Variants in SAMTOR observed in about 807,000 individuals in gnomAD.
The protein encoded by SAMTOR is UPF0532 protein C7orf60.
the SAMTOR span, among the ~76,000 whole-genome samples, chr7:112,877,345 G>C: frequency 1.3e-5 from 2 of 152,104 alleles, no homozygotes; most frequent in Admixed American, 6.5e-5. Flanking sequence ...TGTTACAGCA[G>C]GGGTTTTCAA....
chr7:112,871,118 G>C, the SAMTOR span, among the ~76,000 whole-genome samples: 17 of 152,022 alleles, frequency 1.1e-4, no homozygotes, highest in Non-Finnish European at 2.1e-4. Flanking sequence ...AGATCATTGA[G>C]GCAAAAAACT....
the SAMTOR span, among the ~76,000 whole-genome samples, chr7:112,911,159 A>G: frequency 6.6e-6 from 1 of 152,134 alleles, no homozygotes; most frequent in Admixed American, 6.6e-5. Flanking sequence ...AAATGTAGAG[A>G]TAATTCTCCC....
the SAMTOR span, among the ~76,000 whole-genome samples, chr7:112,830,779 A>C: frequency 6.6e-6 from 1 of 152,250 alleles, no homozygotes; most frequent in South Asian, 2.1e-4. Context: ...TCAAAGTTTC[A>C]TATGAAAGTT....
the SAMTOR span, among the ~76,000 whole-genome samples, chr7:112,856,285 T>G: frequency 6.6e-6 from 1 of 151,932 alleles, no homozygotes; most frequent in Admixed American, 6.6e-5. Context: ...AGTGTCACTC[T>G]GTTGCCCAGG....
chr7:112,920,264 C>T, the SAMTOR span, among the ~76,000 whole-genome samples: 10 of 152,296 alleles, frequency 6.6e-5, no homozygotes, highest in African/African-American at 2.4e-4. Context: ...ATCAAGTGGG[C>T]TTCATCCCTG....
chr7:112,912,585 G>C, the SAMTOR span, among the ~76,000 whole-genome samples: 1 of 151,486 alleles, frequency 6.6e-6, no homozygotes, highest in African/African-American at 2.4e-5. Flanking sequence ...TATAACTCAA[G>C]TTTCAAAACA....
the SAMTOR span, among the ~76,000 whole-genome samples, chr7:112,926,686 A>G: frequency 6.6e-6 from 1 of 152,156 alleles, no homozygotes; most frequent in Non-Finnish European, 1.5e-5. Context: ...CTTTCAACAG[A>G]TTTTCTTTTA....
the SAMTOR span, chr7:112,832,762 C>A: frequency 1.2e-6 from 1 of 837,702 alleles, no homozygotes; most frequent in Non-Finnish European, 2.0e-6. Context: ...TTTTTGGTCT[C>A]AGGACCCTTT....
the SAMTOR span, among the ~76,000 whole-genome samples, chr7:112,877,684 A>G: frequency 2.6e-5 from 4 of 152,202 alleles, no homozygotes; most frequent in East Asian, 3.9e-4. Context: ...GTAATCCCCA[A>G]TGCTGGAGGT....
chr7:112,917,823 C>T, the SAMTOR span, among the ~76,000 whole-genome samples: 5 of 151,690 alleles, frequency 3.3e-5, no homozygotes, highest in South Asian at 6.2e-4. Flanking sequence ...GGAGCTGATG[C>T]GATCAACTGG....
At chr7:112,865,657 A>G in the SAMTOR span, among the ~76,000 whole-genome samples, 2 of 43,544 alleles carry the variant, frequency 4.6e-5, no homozygotes, top group South Asian at 1.4e-3. Context: ...ATTCATATAT[A>G]TATTTCATAC....
the SAMTOR span, among the ~76,000 whole-genome samples, chr7:112,910,860 A>G: frequency 6.6e-6 from 1 of 152,196 alleles, no homozygotes; most frequent in Non-Finnish European, 1.5e-5. Context: ...TGGAATTAGG[A>G]TACAGATTAT....
the SAMTOR span, among the ~76,000 whole-genome samples, chr7:112,836,884 C>T: frequency 6.6e-6 from 1 of 152,038 alleles, no homozygotes; most frequent in South Asian, 2.1e-4. Flanking sequence ...TGTGATGCCT[C>T]CAGCTTTGTT....
chr7:112,825,858 T>G, the SAMTOR span, among the ~76,000 whole-genome samples: 2 of 152,158 alleles, frequency 1.3e-5, no homozygotes, highest in African/African-American at 4.8e-5. Context: ...TCTGAGTTTT[T>G]TTTTTTTTTT....
chr7:112,895,927 A>G, the SAMTOR span, among the ~76,000 whole-genome samples: 7 of 152,232 alleles, frequency 4.6e-5, no homozygotes, highest in African/African-American at 1.7e-4. Flanking sequence ...ACTATACAAT[A>G]AAGAATGATC....
the SAMTOR span, among the ~76,000 whole-genome samples, chr7:112,906,182 G>A: frequency 5.3e-5 from 8 of 152,288 alleles, no homozygotes; most frequent in African/African-American, 1.9e-4. Flanking sequence ...AATCACCCAA[G>A]TATACTTAAA....
At chr7:112,919,137 G>A in the SAMTOR span, among the ~76,000 whole-genome samples, 1 of 152,124 alleles carries the variant, frequency 6.6e-6, no homozygotes, top group Non-Finnish European at 1.5e-5. Flanking sequence ...CAAATCAACA[G>A]AATATACATT....
chr7:112,935,586 CTT>C, the SAMTOR span, among the ~76,000 whole-genome samples: 111 of 152,072 alleles, frequency 7.3e-4, no homozygotes, highest in Middle Eastern at 3.4e-3. Context: ...CATACTTTTA[CTT>C]TTTTTTGTGA....
At chr7:112,851,688 A>G in the SAMTOR span, among the ~76,000 whole-genome samples, 4 of 152,204 alleles carry the variant, frequency 2.6e-5, no homozygotes, top group Non-Finnish European at 4.4e-5. Flanking sequence ...CTGCACAGCA[A>G]AAGAAGTAAT....
Sources: gnomAD v4.1 joint callset for allele counts (sites outside exome capture counted in the v4.1 genomes callset) on GRCh38, gnomAD v4.1.1 for gene constraint, MANE v1.5 for transcripts, NCBI Gene and HGNC (gene_info 2026-07-23, HGNC 2026-07-21) for gene names.